Variants in EFCAB5 observed in about 807,000 individuals in gnomAD.
The protein encoded by EFCAB5 is EF-hand calcium-binding domain-containing protein 5.
In EFCAB5, 131 loss-of-function variants were observed where a neutral mutation model predicts 167.9. That is an observed-to-expected ratio of 0.78 (90% CI 0.68 to 0.90). The LOEUF is 0.90. Ranked by LOEUF, EFCAB5 falls within the 40% of genes least tolerant of loss-of-function variation. The pLI is 0.00. For missense variants in EFCAB5, 1,663 were observed against 1,745.2 expected (o/e 0.95, Z 0.84); for synonymous variants, 574 against 602.8 (o/e 0.95, Z 0.70).
intron 12 of EFCAB5, 132 bp from the exon 13 acceptor site, chr17:30,057,544 T>C: frequency 1.4e-6 from 1 of 722,222 alleles, no homozygotes; most frequent in South Asian, 1.9e-5. Context: ...AGGAGGATGC[T>C]GTCCTCATGA....
intron 22 of EFCAB5, among the ~76,000 whole-genome samples, 156 bp downstream of exon 22, chr17:30,093,092 CA>C (rs1231352921): frequency 1.3e-5 from 2 of 152,160 alleles, no homozygotes; most frequent in Non-Finnish European, 2.9e-5. Context: ...TAATCTATTG[CA>C]TCATTCCCCA....
At chr17:30,080,701 A>T in intron 16 of EFCAB5, 52 bp from the exon 17 acceptor site, 1 of 1,352,410 alleles carries the variant, frequency 7.4e-7, no homozygotes, top group Non-Finnish European at 1.0e-6. Flanking sequence ...CCATGGTTTA[A>T]TCTAAATCTC....
At chr17:30,031,440 G>A (rs979880409) in intron 7 of EFCAB5, among the ~76,000 whole-genome samples, 1 of 152,162 alleles carries the variant, frequency 6.6e-6, no homozygotes, top group Non-Finnish European at 1.5e-5. Flanking sequence ...CAGCTAAGAG[G>A]ACTGTTTATT....
At chr17:29,930,316 C>A (rs891989524) in intron 1 of EFCAB5, 1 of 385,944 alleles carries the variant, frequency 2.6e-6, no homozygotes, top group East Asian at 4.9e-5. Context: ...CTTGAGTTGC[C>A]GGAAGCTGGC....
chr17:29,939,974 G>C (rs2067276578), upstream of EFCAB5, among the ~76,000 whole-genome samples: 1 of 152,038 alleles, frequency 6.6e-6, no homozygotes, highest in African/African-American at 2.4e-5. Flanking sequence ...AACTACCCTG[G>C]GAAAATTAAC....
intron 8 of EFCAB5, among the ~76,000 whole-genome samples, chr17:30,042,834 C>T (rs2069811704): frequency 6.6e-6 from 1 of 152,112 alleles, no homozygotes; most frequent in African/African-American, 2.4e-5. Context: ...AAAGATATTT[C>T]AATAAAAGAA....
chr17:30,081,004 A>ACATCCTGAAAGATAGCTT, intron 17 of EFCAB5, 23 bp downstream of exon 17: 3 of 1,578,960 alleles, frequency 1.9e-6, no homozygotes, highest in Non-Finnish European at 1.7e-6. Flanking sequence ...AGTCTTCAAG[A>ACATCCTGAAAGATAGCTT]GCGATGGTAG....
At chr17:29,954,239 CAT>C (rs1260559663) in intron 3 of EFCAB5, among the ~76,000 whole-genome samples, 2 of 152,188 alleles carry the variant, frequency 1.3e-5, no homozygotes, top group South Asian at 2.1e-4. Flanking sequence ...ATCACCAAGA[CAT>C]GTGTAGAAAA....
chr17:30,038,082 T>C (rs2069673650), intron 8 of EFCAB5, among the ~76,000 whole-genome samples: 1 of 152,144 alleles, frequency 6.6e-6, no homozygotes, highest in African/African-American at 2.4e-5. Context: ...AGCCAAGTTG[T>C]GAATGCAAGG....
At chr17:29,940,988 C>T (rs541069639), upstream of EFCAB5, among the ~76,000 whole-genome samples, 54 of 151,224 alleles carry the variant, frequency 3.6e-4, no homozygotes, top group Non-Finnish European at 4.3e-4. Flanking sequence ...TGCAGTGAGC[C>T]GAGATTGCAC....
At chr17:30,017,554 A>G (rs1053410661) in intron 7 of EFCAB5, among the ~76,000 whole-genome samples, 1 of 152,192 alleles carries the variant, frequency 6.6e-6, no homozygotes, top group African/African-American at 2.4e-5. Context: ...AAAAGACACT[A>G]AAGTGAAAAT....
intron 8 of EFCAB5, among the ~76,000 whole-genome samples, chr17:30,041,105 T>C (rs2069757796): frequency 6.6e-6 from 1 of 152,164 alleles, no homozygotes; most frequent in South Asian, 2.1e-4. Context: ...TGTTTAGGTG[T>C]TCTCTTGCCA....
intron 14 of EFCAB5, chr17:30,069,555 C>A (rs1042991931): frequency 1.9e-6 from 3 of 1,613,122 alleles, no homozygotes; most frequent in Non-Finnish European, 1.7e-6. Context: ...AAAAACAACG[C>A]TGGCTTCCGC....
intron 1 of EFCAB5, chr17:29,929,912 CG>C (rs1208603251): frequency 6.4e-7 from 1 of 1,573,262 alleles, no homozygotes; most frequent in Non-Finnish European, 8.6e-7. Context: ...CAGAAGCAAG[CG>C]GAGCGGCCGC....
At chr17:30,008,942 G>A (rs2068833264) in intron 7 of EFCAB5, among the ~76,000 whole-genome samples, 2 of 152,108 alleles carry the variant, frequency 1.3e-5, no homozygotes, top group African/African-American at 4.8e-5. Flanking sequence ...CTCTCAGGAG[G>A]GTCTGTGGAA....
intron 22 of EFCAB5, among the ~76,000 whole-genome samples, chr17:30,096,948 G>C (rs1381283899): frequency 1.3e-5 from 2 of 148,526 alleles, no homozygotes; most frequent in Admixed American, 6.8e-5. Context: ...CAAAGTGCTG[G>C]GGTTACAGGC....
intron 1 of EFCAB5, among the ~76,000 whole-genome samples, chr17:29,930,677 C>G (rs555722672): frequency 4.6e-5 from 7 of 152,184 alleles, no homozygotes; most frequent in Non-Finnish European, 8.8e-5. Flanking sequence ...TTCACCCCGG[C>G]TCTCGGGGGC....
At chr17:30,051,246 A>G in intron 9 of EFCAB5, 29 bp downstream of exon 9, 10 of 1,602,094 alleles carry the variant, frequency 6.2e-6, no homozygotes, top group Non-Finnish European at 8.6e-6. Flanking sequence ...GAGTATGTTC[A>G]AGCTGGAGTG....
chr17:30,015,059 G>A (rs1236530939), intron 7 of EFCAB5, among the ~76,000 whole-genome samples: 22 of 152,126 alleles, frequency 1.4e-4, no homozygotes. Context: ...CACTTATGAA[G>A]CTTAGTTTGG....
Sources: gnomAD v4.1 joint callset for allele counts (sites outside exome capture counted in the v4.1 genomes callset) on GRCh38, gnomAD v4.1.1 for gene constraint, MANE v1.5 for transcripts, NCBI Gene and HGNC (gene_info 2026-07-23, HGNC 2026-07-21) for gene names.